The following NALF1 variants were observed in gnomAD, a reference collection of about 807,000 sequenced individuals.
The protein encoded by NALF1 is NALCN channel auxiliary factor 1.
Under a neutral mutation model 48.4 loss-of-function variants are expected in NALF1, and 3 were observed. The ratio of observed to expected loss-of-function variants is 0.06; its 90% CI spans 0.03 to 0.16. The LOEUF is 0.16. Ranked by LOEUF, NALF1 falls within the 10% of genes least tolerant of loss-of-function variation. The pLI is 1.00. For synonymous variants in NALF1, 262 were observed against 245.7 expected (o/e 1.07, Z -0.62); for missense variants, 526 against 571.5 (o/e 0.92, Z 0.81).
chr13:107,657,036 G>A lies in NALF1; in HGVS notation c.915+208646C>T, dbSNP rs553195028. Among the ~76,000 whole-genome samples the A allele has an allele frequency of 5.9e-5, 9 of 152,122 alleles. No individual in the cohort carries two copies. The South Asian group carries it at 1.5e-3, about 25-fold the overall frequency. On this transcript the variant is annotated intron_variant, in intron 1 of 2. Coordinates refer to ENST00000375915, the MANE Select transcript of NALF1 (RefSeq NM_001080396.3). Reference sequence around the variant, plus strand: ...GGGGTTGGGGGAAGGGTTGAGGGTGGTGAGGGCTAAAAGACTACACATTGG... The same window carrying A: ...GGGGTTGGGGGAAGGGTTGAGGGTGATGAGGGCTAAAAGACTACACATTGG...
intron 1 of NALF1, among the ~76,000 whole-genome samples, chr13:107,686,454 G>C (rs1450844322): frequency 6.6e-6 from 1 of 151,986 alleles, no homozygotes; most frequent in Non-Finnish European, 1.5e-5. Flanking sequence ...GAGTGCAGTG[G>C]TGGAATCTTG....
Position 107,512,964 on chromosome 13 carries a change from A to C in NALF1, c.916-302209T>G, listed in dbSNP as rs1427259888. The stretch of plus-strand genomic sequence containing the variant: ...AGACTAAATATTATACCACATCTGT[A>C]TTCCATTGTGTTGATTTTAAAAATT... On this transcript the variant is annotated intron_variant, in intron 1 of 2. Coordinates refer to ENST00000375915, the MANE Select transcript of NALF1 (RefSeq NM_001080396.3). Among the ~76,000 whole-genome samples, 8 of 152,152 alleles carry C rather than the reference A, an allele frequency of 5.3e-5. No homozygotes were observed. The East Asian group carries it at 1.5e-3, about 29-fold the overall frequency.
At position 107,577,331 on chromosome 13, in the gene NALF1, C is replaced by T. The variant is rs557498517; in HGVS notation, c.915+288351G>A. ...CAAGGTATATGCAAATCTCACAGATCTGCCTGTTCCTCTAAAGTTGGTTGG... is the reference window on the plus strand; with the variant it reads ...CAAGGTATATGCAAATCTCACAGATTTGCCTGTTCCTCTAAAGTTGGTTGG... On this transcript the variant is annotated intron_variant, in intron 1 of 2. Transcript: ENST00000375915. 7.2e-5 allele frequency among the ~76,000 whole-genome samples: 11 copies of T among 152,304 alleles called. 1 individual carries two copies. In the South Asian group the frequency reaches 1.7e-3, roughly 23 times the overall value.
intron 1 of NALF1, among the ~76,000 whole-genome samples, chr13:107,216,651 C>T (rs773467125): frequency 6.6e-6 from 1 of 152,178 alleles, no homozygotes; most frequent in Non-Finnish European, 1.5e-5. Flanking sequence ...TTGGTCTATT[C>T]CCTTGCATTT....
chr13:107,190,435 G>T lies in NALF1; in HGVS notation c.1088-19649C>A, dbSNP rs566370725. On this transcript the variant is annotated intron_variant, in intron 2 of 2. Coordinates refer to ENST00000375915, the MANE Select transcript of NALF1 (RefSeq NM_001080396.3). ...GGCATGTAAACACCTCATAAATAGA[G>T]TTGACTTCCAAAATATGCCTTATTT... 4.5e-4 allele frequency among the ~76,000 whole-genome samples: 68 copies of T among 152,244 alleles called. 1 individual carries two copies. Among genetic ancestry groups the T allele is most frequent in the African/African-American group, 1.5e-3 (64 of 41,538 alleles).
chr13:107,563,482 G>T (rs1299677135), intron 1 of NALF1, among the ~76,000 whole-genome samples: 1 of 152,206 alleles, frequency 6.6e-6, no homozygotes, highest in Non-Finnish European at 1.5e-5. Context: ...TGATTTGAGT[G>T]CAAAATCCTA....
At chr13:107,412,023 T>C (rs1270194311) in intron 1 of NALF1, among the ~76,000 whole-genome samples, 1 of 152,152 alleles carries the variant, frequency 6.6e-6, no homozygotes, top group African/African-American at 2.4e-5. Flanking sequence ...CCCACTGGCA[T>C]GATCTGATTT....
At chr13:107,815,190 A>G (rs1396386735) in intron 1 of NALF1, among the ~76,000 whole-genome samples, 4 of 152,196 alleles carry the variant, frequency 2.6e-5, no homozygotes, top group Non-Finnish European at 5.9e-5. Flanking sequence ...TTGTACTTCA[A>G]AGGGCACTAT....
intron 1 of NALF1, among the ~76,000 whole-genome samples, chr13:107,750,374 C>A (rs1363713641): frequency 6.6e-6 from 1 of 152,150 alleles, no homozygotes; most frequent in African/African-American, 2.4e-5. Flanking sequence ...ATACAGGAAG[C>A]TATGTAAACA....
Position 107,771,494 on chromosome 13 carries a change from T to TA in NALF1, c.915+94187dup, listed in dbSNP as rs199681869. Among the ~76,000 whole-genome samples, 1,083 of 148,960 alleles carry TA rather than the reference T, an allele frequency of 7.3e-3. 11 individuals carry two copies. The highest frequency in any genetic ancestry group is 0.025 in the African/African-American group (1,041 of 40,846). On this transcript the variant is annotated intron_variant, in intron 1 of 2. Coordinates refer to ENST00000375915, the MANE Select transcript of NALF1 (RefSeq NM_001080396.3). ...TATTATAAACATATATGATACAATA[T>TA]ATAAAATCTATAATATGTAATATAG... is the stretch of plus-strand genomic sequence containing the variant.
intron 1 of NALF1, among the ~76,000 whole-genome samples, chr13:107,608,852 G>A (rs1331158235): frequency 6.6e-6 from 1 of 152,204 alleles, no homozygotes; most frequent in Non-Finnish European, 1.5e-5. Context: ...GACTCTGCTG[G>A]AAGGAAGGCA....
intron 1 of NALF1, among the ~76,000 whole-genome samples, chr13:107,470,227 T>C (rs1356189739): frequency 6.6e-6 from 1 of 152,230 alleles, no homozygotes; most frequent in African/African-American, 2.4e-5. Context: ...TCTTAAACTA[T>C]TCATTTTAAA....
At chr13:107,481,679 C>T (rs1347556160) in intron 1 of NALF1, among the ~76,000 whole-genome samples, 1 of 151,982 alleles carries the variant, frequency 6.6e-6, no homozygotes, top group East Asian at 1.9e-4. Context: ...AAGTGAAAAT[C>T]CAAGGGGGAG....
intron 1 of NALF1, among the ~76,000 whole-genome samples, chr13:107,622,474 A>C (rs9559106): frequency 0.22 from 8,203 of 37,708 alleles, 570 homozygotes; most frequent in African/African-American, 0.29. Context: ...ACAACAACAA[A>C]AAAAAAAAAA....
intron 1 of NALF1, among the ~76,000 whole-genome samples, chr13:107,703,443 T>G (rs1325183056): frequency 6.7e-6 from 1 of 150,208 alleles, no homozygotes. Flanking sequence ...CCTCCCAGGT[T>G]CATGCGATTC....
chr13:107,248,843 A>G (rs963762684), intron 1 of NALF1, among the ~76,000 whole-genome samples: 4 of 150,230 alleles, frequency 2.7e-5, no homozygotes, highest in African/African-American at 1.0e-4. Context: ...AGAGTTCAGA[A>G]ATAGGCAATT....
rs141396016 is a variant in NALF1 at position 107,392,338 on chromosome 13, C to A, written c.916-181583G>T. Among the ~76,000 whole-genome samples the A allele has an allele frequency of 5.9e-5, 9 of 152,230 alleles. No individual in the cohort carries two copies. The East Asian group carries it at 1.6e-3, about 26-fold the overall frequency. On this transcript the variant is annotated intron_variant, in intron 1 of 2. Transcript: ENST00000375915. ...ACAACTGCTTGGTTCTGAGTCCTTG[C>A]TCAGTCCCAGGAAACAGGAAGCTCC...
intron 1 of NALF1, among the ~76,000 whole-genome samples, chr13:107,609,496 A>C (rs780206056): frequency 2.6e-5 from 4 of 152,176 alleles, no homozygotes; most frequent in Non-Finnish European, 4.4e-5. Flanking sequence ...GCTGCTTTTC[A>C]ACCAAGAGCC....
At chr13:107,441,435 G>A (rs1040656265) in intron 1 of NALF1, among the ~76,000 whole-genome samples, 1 of 152,210 alleles carries the variant, frequency 6.6e-6, no homozygotes, top group Non-Finnish European at 1.5e-5. Flanking sequence ...TCAGGTGATG[G>A]AGAGGCAGAG....
Sources: allele counts gnomAD v4.1 joint callset (sites outside exome capture counted in the v4.1 genomes callset), GRCh38; gene constraint gnomAD v4.1.1; transcripts MANE v1.5; gene names NCBI Gene and HGNC (gene_info 2026-07-23, HGNC 2026-07-21).